DOCK3: variants seen among roughly 807,000 people sequenced by gnomAD.
DOCK3 encodes the protein dedicator of cytokinesis protein 3.
In DOCK3, 60 loss-of-function variants were observed where a neutral mutation model predicts 265.6. That is an observed-to-expected ratio of 0.23 (90% CI 0.18 to 0.28). The LOEUF (loss-of-function observed/expected upper bound fraction) is 0.28, where lower values mean the gene tolerates loss of function less well. Ranked by LOEUF, DOCK3 falls within the 10% of genes least tolerant of loss-of-function variation. The probability of loss-of-function intolerance (pLI) is 1.00; values close to 1 mark genes in which losing one functional copy is unlikely to be tolerated. For synonymous variants in DOCK3, 881 were observed against 938.0 expected, an observed-to-expected ratio of 0.94 and a Z score of 1.11; for missense variants, 1,981 against 2,594.3, an observed-to-expected ratio of 0.76 and a Z score of 5.14.
At chr3:51,302,726 T>A (rs1262430963) in intron 27 of DOCK3, among the ~76,000 whole-genome samples, 1 of 152,190 alleles carries the variant, frequency 6.6e-6, no homozygotes, top group Non-Finnish European at 1.5e-5. Context: ...TTCTTTTCTT[T>A]AAGAATGTTG....
chr3:51,222,974 T>C (rs2108324212), intron 14 of DOCK3, among the ~76,000 whole-genome samples: 1 of 152,348 alleles, frequency 6.6e-6, no homozygotes, highest in African/African-American at 2.4e-5. Context: ...TGTCTCACTC[T>C]GTCACCCAGG....
intron 14 of DOCK3, among the ~76,000 whole-genome samples, chr3:51,219,572 G>A (rs1014657664): frequency 6.6e-6 from 1 of 152,158 alleles, no homozygotes; most frequent in Non-Finnish European, 1.5e-5. Flanking sequence ...TATAGATACA[G>A]GAAACTATTT....
At chr3:50,970,021 G>A (rs1370277273) in intron 5 of DOCK3, among the ~76,000 whole-genome samples, 2 of 152,030 alleles carry the variant, frequency 1.3e-5, no homozygotes, top group Admixed American at 6.5e-5. Flanking sequence ...CCAGTGAGCC[G>A]AGATAGCGCC....
At chr3:51,167,120 GA>G (rs1560152461) in intron 12 of DOCK3, among the ~76,000 whole-genome samples, 1 of 151,980 alleles carries the variant, frequency 6.6e-6, no homozygotes, top group Non-Finnish European at 1.5e-5. Context: ...AATCTCTTTC[GA>G]GTTAGTTTTT....
intron 4 of DOCK3, among the ~76,000 whole-genome samples, chr3:50,918,845 A>T (rs1213938262): frequency 1.3e-5 from 2 of 151,990 alleles, no homozygotes; most frequent in Admixed American, 6.6e-5. Flanking sequence ...CATGCCTACG[A>T]CCTGAATGGT....
chr3:50,845,894 G>A (rs2046056181), intron 3 of DOCK3, among the ~76,000 whole-genome samples: 1 of 152,172 alleles, frequency 6.6e-6, no homozygotes, highest in Non-Finnish European at 1.5e-5. Flanking sequence ...GATGAGTCAA[G>A]ATTGGCAAAA....
chr3:51,230,843 A>G (rs1398058996), intron 19 of DOCK3, among the ~76,000 whole-genome samples: 1 of 151,748 alleles, frequency 6.6e-6, no homozygotes, highest in African/African-American at 2.4e-5. Context: ...TATCCAGTTC[A>G]CTGTTGATGG....
chr3:51,274,621 T>C (rs764967060), intron 24 of DOCK3, among the ~76,000 whole-genome samples: 2 of 151,770 alleles, frequency 1.3e-5, no homozygotes, highest in Non-Finnish European at 2.9e-5. Flanking sequence ...TACAAAAAAT[T>C]AAAAAATTAT....
chr3:51,060,360 T>C (rs1268507353), intron 5 of DOCK3, among the ~76,000 whole-genome samples: 1 of 152,160 alleles, frequency 6.6e-6, no homozygotes, highest in East Asian at 1.9e-4. Context: ...TTCACTCTGA[T>C]GGTAGTTTCT....
chr3:51,216,076 G>T (rs571042272), intron 14 of DOCK3, among the ~76,000 whole-genome samples: 14 of 152,060 alleles, frequency 9.2e-5, no homozygotes, highest in African/African-American at 2.9e-4. Flanking sequence ...AGGCTTATGT[G>T]GTGGAGTATA....
At chr3:51,250,528 A>G (rs1353707315) in intron 22 of DOCK3, among the ~76,000 whole-genome samples, 1 of 152,218 alleles carries the variant, frequency 6.6e-6, no homozygotes, top group Non-Finnish European at 1.5e-5. Flanking sequence ...CTGTGGCTCA[A>G]GAATTGCTTG....
chr3:51,249,178 C>CCG (rs2079024269), intron 22 of DOCK3, among the ~76,000 whole-genome samples: 1 of 136,856 alleles, frequency 7.3e-6, no homozygotes, highest in Non-Finnish European at 1.6e-5. Context: ...GCCAGGCCAG[C>CCG]TGCCCCATCC....
intron 4 of DOCK3, among the ~76,000 whole-genome samples, chr3:50,902,743 C>T (rs1016993932): frequency 6.6e-6 from 1 of 152,078 alleles, no homozygotes; most frequent in Non-Finnish European, 1.5e-5. Flanking sequence ...GGGAATAGAA[C>T]TGAATCTATA....
At chr3:51,020,943 G>A (rs2079560840) in intron 5 of DOCK3, among the ~76,000 whole-genome samples, 2 of 151,736 alleles carry the variant, frequency 1.3e-5, no homozygotes, top group Non-Finnish European at 1.5e-5. Context: ...GATTGTCTTG[G>A]CTATTTGAGC....
At chr3:51,083,688 A>G (rs1450836792) in intron 7 of DOCK3, among the ~76,000 whole-genome samples, 1 of 152,232 alleles carries the variant, frequency 6.6e-6, no homozygotes, top group East Asian at 1.9e-4. Context: ...ATCAAGCAAA[A>G]GAAAGACTTT....
intron 5 of DOCK3, among the ~76,000 whole-genome samples, chr3:51,017,382 T>C (rs1369783971): frequency 1.3e-5 from 2 of 151,712 alleles, no homozygotes; most frequent in Non-Finnish European, 2.9e-5. Context: ...ATCTTTATTA[T>C]TTCTTTTCAC....
chr3:50,987,312 A>G (rs1265534367), intron 5 of DOCK3, among the ~76,000 whole-genome samples: 4 of 152,202 alleles, frequency 2.6e-5, no homozygotes, highest in African/African-American at 9.6e-5. Context: ...TTTACATTTT[A>G]TTTTAATGTA....
chr3:51,195,679 A>G (rs935775080), intron 12 of DOCK3, among the ~76,000 whole-genome samples: 1 of 151,878 alleles, frequency 6.6e-6, no homozygotes, highest in African/African-American at 2.4e-5. Flanking sequence ...CGGCCTCCCA[A>G]AGTTCTGGGA....
chr3:50,939,972 C>G lies in DOCK3; in HGVS notation c.315+5895C>G, dbSNP rs537392038. On this transcript the variant is annotated intron_variant, in intron 5 of 52. Coordinates refer to ENST00000266037, the MANE Select transcript of DOCK3 (RefSeq NM_004947.5). ...TAGGAGATCTCAAGGAATCAACAAA[C>G]AAGAAGACACTAGAGTTTGAAAAGA... Among the ~76,000 whole-genome samples the G allele has an allele frequency of 4.6e-5, 7 of 152,144 alleles. No homozygotes were observed. The South Asian group carries it at 1.2e-3, about 27-fold the overall frequency.
Sources: allele counts gnomAD v4.1 joint callset (sites outside exome capture counted in the v4.1 genomes callset), GRCh38; gene constraint gnomAD v4.1.1; transcripts MANE v1.5; gene names NCBI Gene and HGNC (gene_info 2026-07-23, HGNC 2026-07-21).